The following SNX24 variants were observed in gnomAD, a reference collection of about 807,000 sequenced individuals.
SNX24 encodes the protein sorting nexin-24.
A neutral mutation model predicts 28.7 loss-of-function variants in SNX24; 22 were observed. The observed-to-expected ratio is 0.77, with a 90% CI of 0.55 to 1.10. The LOEUF (loss-of-function observed/expected upper bound fraction) is 1.10. Ranked by LOEUF, SNX24 falls within the 50% of genes least tolerant of loss-of-function variation. The pLI, the probability that SNX24 is intolerant of heterozygous loss-of-function variation, is 0.00. For synonymous variants in SNX24, 69 were observed against 71.5 expected (o/e 0.96, Z 0.18); for missense variants, 221 against 201.1 (o/e 1.10, Z -0.60).
chr5:122,997,845 C>G (rs911651505), intron 3 of SNX24, among the ~76,000 whole-genome samples: 4 of 149,498 alleles, frequency 2.7e-5, no homozygotes, highest in Non-Finnish European at 5.9e-5. Context: ...ATAATTAAAA[C>G]TATTGCCTGG....
At chr5:122,959,201 A>G (rs139568398) in intron 3 of SNX24, among the ~76,000 whole-genome samples, 496 of 151,692 alleles carry the variant, frequency 3.3e-3, no homozygotes, top group Middle Eastern at 6.8e-3. Flanking sequence ...CTAGTTCTTC[A>G]TGGTTTAGTC....
chr5:122,906,547 T>C (rs1757653369), intron 1 of SNX24, among the ~76,000 whole-genome samples: 1 of 152,222 alleles, frequency 6.6e-6, no homozygotes, highest in Admixed American at 6.5e-5. Context: ...TGCCCTTTTT[T>C]GCCCAGGCTA....
chr5:122,936,947 A>C (rs904231193), intron 2 of SNX24, 130 bp downstream of exon 2: 5 of 470,074 alleles, frequency 1.1e-5, no homozygotes, highest in African/African-American at 2.0e-5. Context: ...TTTTATCATA[A>C]AGTAAATTTC....
intron 3 of SNX24, among the ~76,000 whole-genome samples, chr5:122,988,787 G>A (rs570541149): frequency 2.0e-5 from 3 of 152,174 alleles, no homozygotes; most frequent in African/African-American, 7.2e-5. Flanking sequence ...TTTCTTTACT[G>A]TCCTGTAATG....
At chr5:122,962,237 A>G (rs980946286) in intron 3 of SNX24, among the ~76,000 whole-genome samples, 1 of 152,214 alleles carries the variant, frequency 6.6e-6, no homozygotes, top group African/African-American at 2.4e-5. Context: ...TAGTGCTACA[A>G]ATAATTTCTT....
intron 1 of SNX24, among the ~76,000 whole-genome samples, chr5:122,881,861 G>A (rs912271649): frequency 2.0e-5 from 3 of 151,622 alleles, no homozygotes; most frequent in Non-Finnish European, 4.4e-5. Context: ...ATGTCATATA[G>A]TGTTGGTTCC....
chr5:122,912,913 C>G (rs1370816351), intron 1 of SNX24, among the ~76,000 whole-genome samples: 2 of 152,034 alleles, frequency 1.3e-5, no homozygotes, highest in South Asian at 2.1e-4. Context: ...GTGGTGATGA[C>G]TCTTAAGGAG....
At chr5:122,948,120 T>A (rs927411206) in intron 3 of SNX24, among the ~76,000 whole-genome samples, 3 of 152,192 alleles carry the variant, frequency 2.0e-5, no homozygotes, top group African/African-American at 7.2e-5. Flanking sequence ...AGGGAGTTAG[T>A]TTTCTTTTCC....
At chr5:122,907,267 C>T (rs1757681503) in intron 1 of SNX24, among the ~76,000 whole-genome samples, 1 of 151,852 alleles carries the variant, frequency 6.6e-6, no homozygotes, top group African/African-American at 2.4e-5. Flanking sequence ...CTATTTGTGA[C>T]GTAAAGTTTT....
intron 3 of SNX24, among the ~76,000 whole-genome samples, chr5:122,956,128 G>A (rs544772496): frequency 6.6e-6 from 1 of 151,812 alleles, no homozygotes; most frequent in East Asian, 1.9e-4. Context: ...CGATATATAA[G>A]GCAAAACAAA....
chr5:122,979,436 C>T (rs149558530), intron 3 of SNX24, among the ~76,000 whole-genome samples: 1 of 152,196 alleles, frequency 6.6e-6, no homozygotes, highest in African/African-American at 2.4e-5. Flanking sequence ...GGGTGTAGAT[C>T]TGGGGACCAG....
intron 1 of SNX24, among the ~76,000 whole-genome samples, chr5:122,901,232 T>A (rs1757436330): frequency 1.3e-5 from 2 of 151,814 alleles, no homozygotes; most frequent in South Asian, 4.1e-4. Context: ...ATATTGCTCA[T>A]ATTTATGATG....
chr5:122,969,350 G>A (rs1581812014), intron 3 of SNX24, among the ~76,000 whole-genome samples: 1 of 152,078 alleles, frequency 6.6e-6, no homozygotes, highest in South Asian at 2.1e-4. Context: ...TGGAGTTAAG[G>A]TCTTAAGAAA....
chr5:122,867,404 C>A (rs570998833), intron 1 of SNX24, among the ~76,000 whole-genome samples: 1 of 152,250 alleles, frequency 6.6e-6, no homozygotes, highest in South Asian at 2.1e-4. Flanking sequence ...AAACTCTGCC[C>A]CTTTCATGAT....
chr5:122,860,160 T>C (rs942514134), intron 1 of SNX24, among the ~76,000 whole-genome samples: 1 of 152,200 alleles, frequency 6.6e-6, no homozygotes, highest in Admixed American at 6.5e-5. Flanking sequence ...CGTCAAAACA[T>C]GGCAAAGAAA....
chr5:122,938,209 G>A (rs375712267), intron 2 of SNX24, among the ~76,000 whole-genome samples: 127 of 152,242 alleles, frequency 8.3e-4, no homozygotes, highest in African/African-American at 2.7e-3. Context: ...TTCTGGAGGC[G>A]AGGCTTGTTC....
intron 1 of SNX24, among the ~76,000 whole-genome samples, chr5:122,855,466 C>A (rs1039751352): frequency 1.3e-5 from 2 of 152,124 alleles, no homozygotes; most frequent in African/African-American, 4.8e-5. Context: ...TAGTATTTTA[C>A]CCTCAGAAAT....
intron 2 of SNX24, among the ~76,000 whole-genome samples, chr5:122,945,590 G>A (rs1759646926): frequency 6.6e-6 from 1 of 152,168 alleles, no homozygotes; most frequent in Admixed American, 6.5e-5. Flanking sequence ...TCCAAATGAT[G>A]TGGTCTAGTT....
chr5:122,952,678 T>G (rs1315325461), intron 3 of SNX24, among the ~76,000 whole-genome samples: 3 of 152,220 alleles, frequency 2.0e-5, no homozygotes, highest in Non-Finnish European at 4.4e-5. Context: ...AGAGATAATT[T>G]GGGACATAAA....
Sources: allele counts gnomAD v4.1 joint callset (sites outside exome capture counted in the v4.1 genomes callset), GRCh38; gene constraint gnomAD v4.1.1; transcripts MANE v1.5; gene names NCBI Gene and HGNC (gene_info 2026-07-23, HGNC 2026-07-21).